The following AGTRAP variants were observed in gnomAD, a reference collection of about 807,000 sequenced individuals.
The protein encoded by AGTRAP is angiotensin II receptor associated protein, also known as type-1 angiotensin II receptor-associated protein.
In AGTRAP, 7 loss-of-function variants were observed where a neutral mutation model predicts 15.2. That is an observed-to-expected ratio of 0.46 (90% CI 0.26 to 0.87). The LOEUF (loss-of-function observed/expected upper bound fraction) is 0.87. Ranked by LOEUF, AGTRAP falls within the 40% of genes least tolerant of loss-of-function variation. The pLI is 0.15. For missense variants in AGTRAP, 187 were observed against 213.4 expected (o/e 0.88, Z 0.77); for synonymous variants, 74 against 89.6 (o/e 0.83, Z 0.98).
Position 11,736,200 on chromosome 1 carries a change from T to TGGAGTCGGGATG in AGTRAP, c.-8_-7insGAGTCGGGATGG. 6.2e-7 allele frequency: 1 copy of TGGAGTCGGGATG among 1,604,614 alleles called. No individual in the cohort carries two copies. Among genetic ancestry groups the TGGAGTCGGGATG allele is most frequent in the Non-Finnish European group, 8.5e-7 (1 of 1,176,570 alleles). On this transcript the variant is annotated 5_prime_UTR_variant, in exon 1 of 5. The change creates a new upstream start codon in the 5' untranslated region. Coordinates refer to ENST00000314340, the MANE Select transcript of AGTRAP (RefSeq NM_020350.5). ...GGCTGCGGCGCAGGTGCCCTCGGCC[T>TGGAGTCGGGATG]GAGTCGGGATGGAGCTGCCTGCTGT...
chr1:11,748,304 C>T, intron 3 of AGTRAP, 111 bp from the exon 4 acceptor site: 1 of 1,238,154 alleles, frequency 8.1e-7, no homozygotes. Context: ...CATTTTCCCG[C>T]AAGCCCCAAG....
At chr1:11,748,730 AGCGTGGCATGG>A (rs1642237818) in intron 4 of AGTRAP, 120 bp downstream of exon 4, 1 of 1,208,066 alleles carries the variant, frequency 8.3e-7, no homozygotes, top group South Asian at 1.5e-5. Flanking sequence ...GTGCAGGGAG[AGCGTGGCATGG>A]GCGCTCTGTA....
chr1:11,741,700 C>T (rs914420690), intron 1 of AGTRAP, among the ~76,000 whole-genome samples: 2 of 152,132 alleles, frequency 1.3e-5, no homozygotes, highest in Non-Finnish European at 2.9e-5. Context: ...TCAGTTTTCT[C>T]AGCTGTAAAA....
rs571933436 is a variant in AGTRAP at position 11,750,375 on chromosome 1, C to T, written c.*183C>T. On this transcript the variant is annotated 3_prime_UTR_variant, in exon 5 of 5. Transcript: ENST00000314340. ...CCCAGTACCATGCACACTCCTGTCC[C>T]GAACTCCCTGAGGCCTCCCCTCCCT... is the stretch of plus-strand genomic sequence containing the variant. 15 of 658,248 alleles carry T rather than the reference C, an allele frequency of 2.3e-5. No homozygotes were observed. Among genetic ancestry groups the T allele is most frequent in the African/African-American group, 1.4e-4 (8 of 55,998 alleles). 40.8% of individuals were successfully genotyped at this position (658,248 alleles called of 1,614,324 possible). A position where few individuals can be genotyped will look rare whatever the true frequency, so the allele number is the denominator to read the frequency against.
chr1:11,744,042 A>G (rs2100770933), intron 1 of AGTRAP, among the ~76,000 whole-genome samples: 2 of 152,240 alleles, frequency 1.3e-5, no homozygotes, highest in South Asian at 4.1e-4. Context: ...TTGGGAGACC[A>G]AGGTGGGTAG....
chr1:11,746,935 A>T (rs1642178984), intron 2 of AGTRAP, among the ~76,000 whole-genome samples: 1 of 152,208 alleles, frequency 6.6e-6, no homozygotes, highest in Non-Finnish European at 1.5e-5. Context: ...AAGGAGTCTC[A>T]GGGTGAACAT....
rs775580359 is a variant in AGTRAP at position 11,748,548 on chromosome 1, T to G, written c.302T>G (p.Leu101Arg). The G allele has an allele frequency of 1.2e-6, 2 of 1,612,364 alleles. No homozygotes were observed. Among genetic ancestry groups the G allele is most frequent in the Admixed American group, 1.7e-5 (1 of 60,022 alleles). ...MAILSLLLKP[L>R]SCCFVYHMYR... ...ATCCTCAGCTTGCTGCTCAAGCCGC[T>G]CTCCTGCTGCTTCGTCTACCACATG... Residue 101 changes from leucine to arginine, a missense_variant, in exon 4 of 5, where the codon CTC becomes CGC. By Grantham distance (102) the Leu-to-Arg change is moderately radical (BLOSUM62 -2). Transcript: ENST00000314340.
rs1282691860 is a variant in AGTRAP at position 11,736,139 on chromosome 1, T to G, written c.-70T>G. On this transcript the variant is annotated 5_prime_UTR_variant, in exon 1 of 5. Coordinates refer to ENST00000314340, the MANE Select transcript of AGTRAP (RefSeq NM_020350.5). ...GCGGGGCGGGGCGGGGCCGGGCAAG[T>G]TTGTTCCCCGAGTTCGGAGCCTAGG... 6 of 1,557,838 alleles carry G rather than the reference T, an allele frequency of 3.9e-6. No homozygotes were observed. The highest frequency in any genetic ancestry group is 4.3e-6 in the Non-Finnish European group (5 of 1,150,072).
intron 1 of AGTRAP, chr1:11,744,675 C>T: frequency 1.5e-6 from 1 of 654,294 alleles, no homozygotes. Context: ...GGAAAGGGGT[C>T]CCAATCCAGA....
chr1:11,748,523 A>G lies in AGTRAP; in HGVS notation c.277A>G (p.Ile93Val), dbSNP rs1642229576. Residue 93 changes from isoleucine to valine, a missense_variant, in exon 4 of 5, where the codon ATC becomes GTC. Physicochemically the swap from Ile to Val is conservative, Grantham distance 29 (BLOSUM62 3). Coordinates refer to ENST00000314340, the MANE Select transcript of AGTRAP (RefSeq NM_020350.5). ...GGGCCGCTTTGGCGTGGGCATGGCC[A>G]TCCTCAGCTTGCTGCTCAAGCCGCT... ...DTGRFGVGMAILSLLLKPLSC... is the reference protein window; with the variant it reads ...DTGRFGVGMAVLSLLLKPLSC... 1.9e-6 allele frequency: 3 copies of G among 1,612,528 alleles called. No individual in the cohort carries two copies. The highest frequency in any genetic ancestry group is 1.7e-6 in the Non-Finnish European group (2 of 1,180,006).
intron 2 of AGTRAP, chr1:11,746,188 T>A (rs372895164): frequency 1.7e-4 from 269 of 1,613,118 alleles, no homozygotes; most frequent in Non-Finnish European, 2.1e-4. Flanking sequence ...CTGTGCACTT[T>A]GCAAACTTCG....
Position 11,736,143 on chromosome 1 carries a change from T to C in AGTRAP, c.-66T>C. 6.4e-7 allele frequency: 1 copy of C among 1,562,456 alleles called. No individual in the cohort carries two copies. Among genetic ancestry groups the C allele is most frequent in the South Asian group, 1.2e-5 (1 of 85,312 alleles). On this transcript the variant is annotated 5_prime_UTR_variant, in exon 1 of 5. Coordinates refer to ENST00000314340, the MANE Select transcript of AGTRAP (RefSeq NM_020350.5). ...GGCGGGGCGGGGCCGGGCAAGTTTG[T>C]TCCCCGAGTTCGGAGCCTAGGAGCC...
intron 1 of AGTRAP, among the ~76,000 whole-genome samples, chr1:11,740,419 A>G (rs1642000160): frequency 1.3e-5 from 2 of 152,220 alleles, no homozygotes; most frequent in South Asian, 2.1e-4. Context: ...AAGAGGAGCA[A>G]CTGGTGCTAA....
At chr1:11,736,586 C>T (rs1478781568) in intron 1 of AGTRAP, among the ~76,000 whole-genome samples, 1 of 152,198 alleles carries the variant, frequency 6.6e-6, no homozygotes, top group East Asian at 1.9e-4. Context: ...GCGGGAGGGG[C>T]TTGTAGGCGG....
chr1:11,737,429 T>C (rs1336422234), intron 1 of AGTRAP, among the ~76,000 whole-genome samples: 1 of 152,212 alleles, frequency 6.6e-6, no homozygotes, highest in Non-Finnish European at 1.5e-5. Context: ...CTTAAAATAA[T>C]TGCTGACAGA....
intron 1 of AGTRAP, among the ~76,000 whole-genome samples, chr1:11,742,977 C>T (rs186972392): frequency 3.0e-4 from 46 of 152,362 alleles, no homozygotes; most frequent in African/African-American, 1.1e-3. Context: ...CCAGCCTGAC[C>T]CCTCAATCCC....
chr1:11,750,088 T>A lies in AGTRAP; in HGVS notation c.376T>A (p.Ser126Thr), dbSNP rs1490656809. The A allele has an allele frequency of 6.2e-7, 1 of 1,613,828 alleles. No homozygotes were observed. The highest frequency in any genetic ancestry group is 1.3e-5 in the African/African-American group (1 of 74,984). ...CCCCTGTCACCTAGGTTTCCTTGGG[T>A]CTTCTCAGGACCGTAGTGCCTACCA... ...ELLVHTGFLG[S>T]SQDRSAYQTI... Residue 126 changes from serine to threonine, a missense_variant, in exon 5 of 5, where the codon TCT (serine) becomes ACT (threonine). Transcript: ENST00000314340.
At position 11,750,153 on chromosome 1, in the gene AGTRAP, A is replaced by G. The variant is rs1642281509; in HGVS notation, c.441A>G (p.Ala147=). 6.2e-7 allele frequency: 1 copy of G among 1,613,880 alleles called. No individual in the cohort carries two copies. The highest frequency in any genetic ancestry group is 8.5e-7 in the Non-Finnish European group (1 of 1,180,018). ...CAGAGGCGCCCGCAGATCCCTTTGCAGTCCCAGAGGGCAGGAGTCAAGATG... is the reference window on the plus strand; with the variant it reads ...CAGAGGCGCCCGCAGATCCCTTTGCGGTCCCAGAGGGCAGGAGTCAAGATG... The part of the protein sequence containing the change: ...DSAEAPADPF[A]VPEGRSQDAR... The change falls in exon 5 of 5, where the codon GCA becomes GCG. Residue 147 remains alanine, a synonymous_variant. Coordinates refer to ENST00000314340, the MANE Select transcript of AGTRAP (RefSeq NM_020350.5).
intron 3 of AGTRAP, among the ~76,000 whole-genome samples, chr1:11,747,755 G>A (rs1417959506): frequency 6.6e-6 from 1 of 152,240 alleles, no homozygotes; most frequent in Non-Finnish European, 1.5e-5. Context: ...GTCTGGCTTA[G>A]AGAACCCCAA....
Sources: gnomAD v4.1 joint callset for allele counts (sites outside exome capture counted in the v4.1 genomes callset) on GRCh38, gnomAD v4.1.1 for gene constraint, MANE v1.5 for transcripts, NCBI Gene and HGNC (gene_info 2026-07-23, HGNC 2026-07-21) for gene names.